The following GSE1 variants were observed in gnomAD, a reference collection of about 807,000 sequenced individuals.
The protein encoded by GSE1 is Gse1 coiled-coil protein.
GSE1 carries 32 observed loss-of-function variants against 112.6 expected under a neutral mutation model. The observed-to-expected ratio is 0.28, with a 90% CI of 0.21 to 0.38. The LOEUF is 0.38. Among genes scored for constraint, GSE1 ranks in the 10% least tolerant of loss-of-function variants. The pLI is 1.00. For missense variants in GSE1, 2,348 were observed against 1,699.2 expected, an observed-to-expected ratio of 1.38 and a Z score of -6.71; for synonymous variants, 1,115 against 735.6, an observed-to-expected ratio of 1.52 and a Z score of -8.35.
chr16:85,650,580 C>T (rs1446022705), intron 3 of GSE1, among the ~76,000 whole-genome samples: 2 of 152,208 alleles, frequency 1.3e-5, no homozygotes, highest in Admixed American at 6.5e-5. Context: ...TCCTTACCGC[C>T]TCGGGAACAT....
At chr16:85,454,384 C>A (rs993930236) in intron 2 of GSE1, among the ~76,000 whole-genome samples, 11 of 152,234 alleles carry the variant, frequency 7.2e-5, no homozygotes, top group Non-Finnish European at 1.6e-4. Context: ...TGGCTCCAAG[C>A]CAAGGCAGAA....
At chr16:85,173,722 G>A (rs1054971374) in intron 1 of GSE1, among the ~76,000 whole-genome samples, 6 of 152,178 alleles carry the variant, frequency 3.9e-5, no homozygotes, top group African/African-American at 1.4e-4. Flanking sequence ...GATGCTGCCC[G>A]TCGGCCTTGA....
rs55755242 is a variant in GSE1, at chr16:85,224,301, C to CAAAA, written c.2283+52521_2283+52524dup. Among the ~76,000 whole-genome samples, 184 of 38,802 alleles carry CAAAA rather than the reference C, an allele frequency of 4.7e-3. 2 individuals carry two copies. The highest frequency in any genetic ancestry group is 0.025 in the Middle Eastern group (1 of 40). The allele number at this position is 38,802 out of a possible 152,430, so 25.5% of individuals were successfully genotyped here. The stretch of plus-strand genomic sequence containing the variant: ...TGAAACCCTATCTCTACTAAAAATA[C>CAAAA]AAAAAAAAAAAAAAAAAAAAAAAAA... On this transcript the variant is annotated intron_variant, in intron 1 of 2. Transcript: ENST00000637419.
chr16:85,271,320 C>T (rs565836491), intron 1 of GSE1, among the ~76,000 whole-genome samples: 3 of 152,310 alleles, frequency 2.0e-5, no homozygotes, highest in South Asian at 2.1e-4. Context: ...CCCTCTTCCC[C>T]GCGCTCCTGC....
intron 2 of GSE1, among the ~76,000 whole-genome samples, chr16:85,493,082 A>C (rs1043808203): frequency 2.0e-5 from 3 of 152,046 alleles, no homozygotes; most frequent in Non-Finnish European, 2.9e-5. Flanking sequence ...GGGATGTTGG[A>C]GCAGAGGCCT....
In GSE1 at chr16:85,583,731, C is replaced by CA. The variant is rs1567614544; in HGVS notation, c.37+27375dup. On this transcript the variant is annotated intron_variant, in intron 1 of 2. Coordinates refer to the GSE1 transcript ENST00000635906. Reference sequence around the variant, plus strand: ...TTTGTCTTTACCCACTGCCAAAACACAAAAAAACAAAAGAGGAGGCCTCAC... The same window carrying CA: ...TTTGTCTTTACCCACTGCCAAAACACAAAAAAAACAAAAGAGGAGGCCTCAC... 2.6e-5 allele frequency among the ~76,000 whole-genome samples: 4 copies of CA among 152,114 alleles called. 1 individual carries two copies. The highest frequency in any genetic ancestry group is 4.1e-4 in the South Asian group (2 of 4,824).
intron 1 of GSE1, among the ~76,000 whole-genome samples, chr16:85,276,099 T>G (rs1909334177): frequency 6.6e-6 from 1 of 152,218 alleles, no homozygotes; most frequent in Admixed American, 6.5e-5. Flanking sequence ...GCCTCCCCAC[T>G]TTACAGATGG....
At chr16:85,209,082 G>A (rs903407332) in intron 1 of GSE1, among the ~76,000 whole-genome samples, 2 of 151,696 alleles carry the variant, frequency 1.3e-5, no homozygotes, top group Non-Finnish European at 2.9e-5. Context: ...GGTTCGCTGT[G>A]TGTTGGGGTC....
At chr16:85,200,023 A>G (rs529312501) in intron 1 of GSE1, among the ~76,000 whole-genome samples, 1 of 152,254 alleles carries the variant, frequency 6.6e-6, no homozygotes, top group East Asian at 1.9e-4. Context: ...TGCCATAAAT[A>G]AAAATAGCTG....
intron 14 of GSE1, among the ~76,000 whole-genome samples, chr16:85,669,509 C>T (rs564929593): frequency 6.6e-6 from 1 of 152,268 alleles, no homozygotes; most frequent in East Asian, 1.9e-4. Flanking sequence ...TGTTTCCTTT[C>T]CTCCTCCCGT....
intron 1 of GSE1, among the ~76,000 whole-genome samples, chr16:85,262,158 G>A (rs1288286733): frequency 6.6e-6 from 1 of 152,190 alleles, no homozygotes; most frequent in East Asian, 1.9e-4. Flanking sequence ...CTTCAAGAAT[G>A]ACTTCTTTCT....
intron 2 of GSE1, among the ~76,000 whole-genome samples, chr16:85,526,675 C>T (rs766272935): frequency 2.6e-5 from 4 of 152,326 alleles, no homozygotes; most frequent in South Asian, 2.1e-4. Flanking sequence ...GCAAGGTCTA[C>T]GCCGCCTGCC....
At chr16:85,456,638 GT>G (rs2049836836) in intron 2 of GSE1, among the ~76,000 whole-genome samples, 1 of 139,954 alleles carries the variant, frequency 7.1e-6, no homozygotes. Context: ...GTGTGTGTGT[GT>G]GGTCTGCCAT....
intron 2 of GSE1, among the ~76,000 whole-genome samples, chr16:85,521,981 A>G (rs2052201423): frequency 6.6e-6 from 1 of 152,230 alleles, no homozygotes; most frequent in South Asian, 2.1e-4. Context: ...TCTAGCTGGC[A>G]AAGGTGGCAG....
chr16:85,268,580 C>A (rs546470687), intron 1 of GSE1, among the ~76,000 whole-genome samples: 2 of 152,290 alleles, frequency 1.3e-5, no homozygotes, highest in African/African-American at 4.8e-5. Context: ...TCTGATTAAA[C>A]CCTGTCTGGC....
intron 1 of GSE1, among the ~76,000 whole-genome samples, chr16:85,192,032 A>G (rs2074834156): frequency 6.6e-6 from 1 of 152,220 alleles, no homozygotes; most frequent in African/African-American, 2.4e-5. Flanking sequence ...TAGACAGCAG[A>G]GATGTGAAGG....
intron 2 of GSE1, among the ~76,000 whole-genome samples, chr16:85,446,026 G>A (rs2049502430): frequency 6.6e-6 from 1 of 152,196 alleles, no homozygotes; most frequent in Non-Finnish European, 1.5e-5. Context: ...ATTTGGAAGA[G>A]TGCCTGGGTG....
chr16:85,636,411 T>C lies in GSE1; in HGVS notation c.226+2279T>C, dbSNP rs2151770542. Among the ~76,000 whole-genome samples the C allele has an allele frequency of 2.0e-5, 3 of 152,244 alleles. 1 individual carries two copies. The South Asian group carries it at 6.2e-4, about 32-fold the overall frequency. On this transcript the variant is annotated intron_variant, in intron 2 of 15. Coordinates refer to ENST00000253458, the MANE Select transcript of GSE1 (RefSeq NM_014615.5). ...CCCTCGTCGCCCCCACCCGTTTTGA[T>C]GAATCTCCAGCTGGTCACCCCTGTC...
In GSE1 at chr16:85,625,664, G is replaced by A. The variant is rs571599596; in HGVS notation, c.8-8250G>A. On this transcript the variant is annotated intron_variant, in intron 1 of 15. Transcript: ENST00000253458. ...AGCAAGAGAAGGCTGGGGAGAAACC[G>A]GGGTGGCCAGCCCCCTCCCCGTCAC... Among the ~76,000 whole-genome samples the A allele has an allele frequency of 1.5e-3, 224 of 152,346 alleles. 1 individual carries two copies. Among genetic ancestry groups the A allele is most frequent in the Non-Finnish European group, 2.6e-3 (179 of 68,032 alleles).
Sources: gnomAD v4.1 joint callset for allele counts (sites outside exome capture counted in the v4.1 genomes callset) on GRCh38, gnomAD v4.1.1 for gene constraint, MANE v1.5 for transcripts, NCBI Gene and HGNC (gene_info 2026-07-23, HGNC 2026-07-21) for gene names.